The following TTC28 variants were observed in gnomAD, a reference collection of about 807,000 sequenced individuals.
The protein encoded by TTC28 is tetratricopeptide repeat domain 28.
A neutral mutation model predicts 198.0 loss-of-function variants in TTC28; 61 were observed. The ratio of observed to expected loss-of-function variants is 0.31; its 90% CI spans 0.25 to 0.38. The LOEUF (loss-of-function observed/expected upper bound fraction) is 0.38, where lower values mean the gene tolerates loss of function less well. Among genes scored for constraint, TTC28 ranks in the 10% least tolerant of loss-of-function variants. TTC28 has a pLI of 1.00. For missense variants in TTC28, 2,678 were observed against 3,164.0 expected (o/e 0.85, Z 3.69); for synonymous variants, 1,171 against 1,297.8 (o/e 0.90, Z 2.10).
In TTC28 at chr22:27,981,182, C is replaced by T. The variant is rs1486174844; in HGVS notation, c.*1039G>A. The T allele has an allele frequency of 8.0e-6, 1 of 125,562 alleles. No homozygotes were observed. Among genetic ancestry groups the T allele is most frequent in the East Asian group, 2.4e-4 (1 of 4,250 alleles). 7.8% of individuals were successfully genotyped at this position (125,562 alleles called of 1,614,324 possible). A position where few individuals can be genotyped will look rare whatever the true frequency, so the allele number is the denominator to read the frequency against. On this transcript the variant is annotated 3_prime_UTR_variant, in exon 23 of 23. Coordinates refer to ENST00000397906, the MANE Select transcript of TTC28 (RefSeq NM_001145418.2). ...AAATTCAGCAGCTAATAAAAGGGAA[C>T]AGGAGCCTGGAAGGCGGGATTCTGG... is the stretch of plus-strand genomic sequence containing the variant.
In TTC28 at chr22:28,162,583, T is replaced by C. The variant is rs182243722; in HGVS notation, c.1441+509A>G. ...GTTTTGTTTTTCCAGTATCTCAGAA[T>C]TCTAATCCTTACAGCACCACGATGA... is the stretch of plus-strand genomic sequence containing the variant. On this transcript the variant is annotated intron_variant, in intron 6 of 22. Coordinates refer to ENST00000397906, the MANE Select transcript of TTC28 (RefSeq NM_001145418.2). Among the ~76,000 whole-genome samples, 6 of 152,326 alleles carry C rather than the reference T, an allele frequency of 3.9e-5. No individual in the cohort carries two copies. In the East Asian group the frequency reaches 9.7e-4, roughly 25 times the overall value.
chr22:28,120,375 T>A (rs1942752311), intron 6 of TTC28, among the ~76,000 whole-genome samples: 1 of 152,214 alleles, frequency 6.6e-6, no homozygotes, highest in Non-Finnish European at 1.5e-5. Context: ...ACCTTCATTA[T>A]CTTATTTGAG....
chr22:28,364,059 T>C (rs954256579), intron 2 of TTC28, among the ~76,000 whole-genome samples: 2 of 152,166 alleles, frequency 1.3e-5, no homozygotes, highest in African/African-American at 4.8e-5. Flanking sequence ...ATGTAGGACA[T>C]GAGACCTGGG....
intron 2 of TTC28, among the ~76,000 whole-genome samples, chr22:28,334,396 T>G (rs1056958306): frequency 1.3e-5 from 2 of 152,186 alleles, no homozygotes; most frequent in Non-Finnish European, 2.9e-5. Context: ...CAAACGGTAT[T>G]TCTAGTTCTA....
intron 1 of TTC28, among the ~76,000 whole-genome samples, chr22:28,649,711 G>A (rs1245748350): frequency 6.6e-6 from 1 of 152,098 alleles, no homozygotes; most frequent in Non-Finnish European, 1.5e-5. Flanking sequence ...TAAGGCTAAT[G>A]GAGAAAATCA....
intron 2 of TTC28, among the ~76,000 whole-genome samples, chr22:28,339,091 C>T (rs549468488): frequency 2.0e-5 from 3 of 152,192 alleles, no homozygotes; most frequent in Non-Finnish European, 2.9e-5. Flanking sequence ...TTCCTTCTAA[C>T]AGTCAGGACT....
chr22:28,633,950 C>G (rs1936551547), intron 1 of TTC28, among the ~76,000 whole-genome samples: 1 of 152,080 alleles, frequency 6.6e-6, no homozygotes, highest in African/African-American at 2.4e-5. Flanking sequence ...GCTCGAAACA[C>G]TGATGTAAAC....
chr22:28,025,249 G>A (rs1465367034), intron 13 of TTC28, among the ~76,000 whole-genome samples: 1 of 152,184 alleles, frequency 6.6e-6, no homozygotes. Flanking sequence ...AGAAACCTCA[G>A]ACTCAAGGTG....
chr22:28,632,402 G>C (rs984387560), intron 1 of TTC28, among the ~76,000 whole-genome samples: 1 of 151,132 alleles, frequency 6.6e-6, no homozygotes, highest in Admixed American at 6.6e-5. Context: ...TCAGCCTCCC[G>C]AGTAGCTGGG....
chr22:28,284,722 A>G (rs2044647940), intron 5 of TTC28, among the ~76,000 whole-genome samples: 1 of 152,186 alleles, frequency 6.6e-6, no homozygotes, highest in South Asian at 2.1e-4. Context: ...ACACATATAA[A>G]TAGCCAACAG....
chr22:28,536,644 A>T (rs940164698), intron 2 of TTC28, among the ~76,000 whole-genome samples: 1 of 152,196 alleles, frequency 6.6e-6, no homozygotes, highest in African/African-American at 2.4e-5. Flanking sequence ...AAAAATAAAA[A>T]AACACTACTG....
chr22:28,367,926 C>A (rs1025500848), intron 2 of TTC28, among the ~76,000 whole-genome samples: 1 of 151,886 alleles, frequency 6.6e-6, no homozygotes. Flanking sequence ...TAATAAAAAG[C>A]CTCCCATTAA....
intron 6 of TTC28, among the ~76,000 whole-genome samples, chr22:28,141,358 G>A (rs1601375220): frequency 6.6e-6 from 1 of 152,168 alleles, no homozygotes; most frequent in Admixed American, 6.5e-5. Context: ...AGTTAAGCAG[G>A]GATTTTAAAT....
intron 5 of TTC28, among the ~76,000 whole-genome samples, chr22:28,260,860 G>C (rs1417947571): frequency 6.6e-6 from 1 of 152,140 alleles, no homozygotes; most frequent in Non-Finnish European, 1.5e-5. Flanking sequence ...AACACTGGTT[G>C]TAATTCCAGA....
intron 16 of TTC28, chr22:27,996,539 C>A: frequency 5.1e-6 from 2 of 392,706 alleles, no homozygotes; most frequent in Non-Finnish European, 9.3e-6. Flanking sequence ...GTAGGAAAAC[C>A]TGCCTTGTTT....
At chr22:28,432,662 C>A (rs1481387955) in intron 2 of TTC28, among the ~76,000 whole-genome samples, 3 of 152,206 alleles carry the variant, frequency 2.0e-5, no homozygotes, top group African/African-American at 7.2e-5. Flanking sequence ...CAATGACAAG[C>A]ATATGCAGTT....
At chr22:28,551,805 T>C (rs1430127751) in intron 2 of TTC28, among the ~76,000 whole-genome samples, 2 of 152,192 alleles carry the variant, frequency 1.3e-5, no homozygotes, top group African/African-American at 4.8e-5. Context: ...GCATTCCCCC[T>C]GTGAACTGGA....
intron 5 of TTC28, among the ~76,000 whole-genome samples, chr22:28,217,125 C>T (rs1400301635): frequency 6.6e-6 from 1 of 152,092 alleles, no homozygotes; most frequent in Non-Finnish European, 1.5e-5. Context: ...CAAGTTACAG[C>T]ATATTCATTA....
intron 2 of TTC28, among the ~76,000 whole-genome samples, chr22:28,593,727 A>G (rs972040222): frequency 6.6e-6 from 1 of 152,212 alleles, no homozygotes; most frequent in African/African-American, 2.4e-5. Flanking sequence ...ATAAGTATGT[A>G]TCAACTATTC....
Sources: allele counts gnomAD v4.1 joint callset (sites outside exome capture counted in the v4.1 genomes callset), GRCh38; gene constraint gnomAD v4.1.1; transcripts MANE v1.5; gene names NCBI Gene and HGNC (gene_info 2026-07-23, HGNC 2026-07-21).